The following AKAP7 variants were observed in gnomAD, a reference collection of about 807,000 sequenced individuals.
AKAP7 encodes the protein A kinase (PRKA) anchor protein 7.
In AKAP7, 39 loss-of-function variants were observed where a neutral mutation model predicts 39.5. The observed-to-expected ratio is 0.99, with a 90% confidence interval of 0.76 to 1.29. The LOEUF is 1.29. Among genes scored for constraint, AKAP7 ranks in the 50% most tolerant of loss-of-function variants. The pLI, the probability that AKAP7 is intolerant of heterozygous loss-of-function variation, is 0.00. For missense variants in AKAP7, 414 were observed against 407.7 expected, an observed-to-expected ratio of 1.02 and a Z score of -0.13; for synonymous variants, 140 against 139.1, an observed-to-expected ratio of 1.01 and a Z score of -0.05.
At chr6:131,243,155 A>G (rs1189457400) in intron 7 of AKAP7, among the ~76,000 whole-genome samples, 1 of 152,032 alleles carries the variant, frequency 6.6e-6, no homozygotes, top group Non-Finnish European at 1.5e-5. Flanking sequence ...CACTGAATTA[A>G]CCACCCCTTG....
Position 131,282,620 on chromosome 6 carries a change from T to C in AKAP7, c.*894T>C, listed in dbSNP as rs1042843648. 1.3e-6 allele frequency: 2 copies of C among 1,517,852 alleles called. No individual in the cohort carries two copies. Among genetic ancestry groups the C allele is most frequent in the African/African-American group, 2.8e-5 (2 of 72,586 alleles). 94.0% of individuals were successfully genotyped at this position (1,517,852 alleles called of 1,614,324 possible). A position where few individuals can be genotyped will look rare whatever the true frequency, so the allele number is the denominator to read the frequency against. On this transcript the variant is annotated 3_prime_UTR_variant, in exon 8 of 8. Coordinates refer to ENST00000431975, the MANE Select transcript of AKAP7 (RefSeq NM_016377.4). ...TTTGACATAAGCTCTACATTGCGAT[T>C]GTGACAACATAGCTTATGAAATCTT...
At position 131,135,707 on chromosome 6, in the gene AKAP7, C is replaced by T; in HGVS notation, c.-57C>T. On this transcript the variant is annotated 5_prime_UTR_variant, in exon 1 of 8. Transcript: ENST00000431975. ...CGGCCTCGCCTCCAGCCCCGGGACG[C>T]GGCCCGCCACCGCCGCTGCCGCCAG... is the stretch of plus-strand genomic sequence containing the variant. The T allele has an allele frequency of 2.5e-6, 3 of 1,178,990 alleles. No individual in the cohort carries two copies. Among genetic ancestry groups the T allele is most frequent in the South Asian group, 8.1e-5 (2 of 24,604 alleles). 73.0% of individuals were successfully genotyped at this position (1,178,990 alleles called of 1,614,324 possible).
At chr6:131,137,701 T>C (rs1800684953) in intron 1 of AKAP7, 1 of 152,196 alleles carries the variant, frequency 6.6e-6, no homozygotes, top group South Asian at 2.1e-4. Context: ...GGCCTGTTTT[T>C]GATGAAGGCA....
At chr6:131,188,030 C>G (rs1015934320) in intron 5 of AKAP7, among the ~76,000 whole-genome samples, 8 of 152,176 alleles carry the variant, frequency 5.3e-5, no homozygotes, top group African/African-American at 1.9e-4. Flanking sequence ...AAGGCTCAGT[C>G]TGGTTCTCTT....
At chr6:131,135,404 C>T (rs1800438857), upstream of AKAP7, among the ~76,000 whole-genome samples, 1 of 152,140 alleles carries the variant, frequency 6.6e-6, no homozygotes, top group Non-Finnish European at 1.5e-5. Flanking sequence ...CCCCGCCCTG[C>T]CCGAGCGCGT....
At chr6:131,201,141 A>G (rs539574965) in intron 6 of AKAP7, among the ~76,000 whole-genome samples, 32 of 152,328 alleles carry the variant, frequency 2.1e-4, no homozygotes, top group Non-Finnish European at 4.0e-4. Context: ...CTTATCAGTT[A>G]CAGAGCACTG....
At chr6:131,145,571 C>T (rs1002410227) in intron 2 of AKAP7, among the ~76,000 whole-genome samples, 155 bp downstream of exon 2, 1 of 152,096 alleles carries the variant, frequency 6.6e-6, no homozygotes, top group Admixed American at 6.5e-5. Context: ...TTTTTTGAGA[C>T]ACAGTCTTGC....
At chr6:131,206,791 A>G (rs533129133) in intron 6 of AKAP7, among the ~76,000 whole-genome samples, 132 of 150,394 alleles carry the variant, frequency 8.8e-4, no homozygotes, top group Non-Finnish European at 1.7e-3. Flanking sequence ...CCATCCATCT[A>G]TCTATCTATC....
chr6:131,189,048 C>G (rs1355430957), intron 5 of AKAP7, among the ~76,000 whole-genome samples: 1 of 152,156 alleles, frequency 6.6e-6, no homozygotes, highest in East Asian at 1.9e-4. Flanking sequence ...TAACATTAAC[C>G]TATAGCTGGG....
chr6:131,165,916 G>A (rs1414856034), intron 4 of AKAP7, among the ~76,000 whole-genome samples: 2 of 152,072 alleles, frequency 1.3e-5, no homozygotes, highest in African/African-American at 2.4e-5. Flanking sequence ...TTAAGTTCAA[G>A]CCTAAGATGT....
At chr6:131,204,093 A>T (rs1283124112) in intron 6 of AKAP7, among the ~76,000 whole-genome samples, 1 of 152,192 alleles carries the variant, frequency 6.6e-6, no homozygotes, top group Non-Finnish European at 1.5e-5. Flanking sequence ...TATAAAATTG[A>T]TATGGCCCTT....
chr6:131,265,146 T>C (rs1385051123), intron 7 of AKAP7, among the ~76,000 whole-genome samples: 1 of 152,200 alleles, frequency 6.6e-6, no homozygotes, highest in Non-Finnish European at 1.5e-5. Flanking sequence ...TTTTCTTTCT[T>C]TTTTTTGAGA....
intron 7 of AKAP7, among the ~76,000 whole-genome samples, chr6:131,222,543 A>T (rs114010391): frequency 0.014 from 2,132 of 152,128 alleles, 40 homozygotes; most frequent in African/African-American, 0.049. Flanking sequence ...AAGAAAAAAG[A>T]AAAGAAATAG....
At chr6:131,180,987 T>C (rs1805168269) in intron 5 of AKAP7, among the ~76,000 whole-genome samples, 1 of 152,186 alleles carries the variant, frequency 6.6e-6, no homozygotes. Flanking sequence ...AGTCTCACTC[T>C]GTTGCCTAGG....
At chr6:131,216,258 C>CGTCT (rs1461642851) in intron 6 of AKAP7, among the ~76,000 whole-genome samples, 1 of 151,972 alleles carries the variant, frequency 6.6e-6, no homozygotes, top group East Asian at 1.9e-4. Flanking sequence ...GTTTTGTGAC[C>CGTCT]GTCTGTCTAC....
chr6:131,133,786 G>T (rs1800379865), upstream of AKAP7, among the ~76,000 whole-genome samples: 1 of 152,218 alleles, frequency 6.6e-6, no homozygotes, highest in African/African-American at 2.4e-5. Flanking sequence ...CTAAAAGCCC[G>T]AAGAGGCAGT....
chr6:131,183,693 G>A (rs1029094330), intron 5 of AKAP7, among the ~76,000 whole-genome samples: 1 of 152,160 alleles, frequency 6.6e-6, no homozygotes, highest in Non-Finnish European at 1.5e-5. Flanking sequence ...TGAAGCTGCT[G>A]CTCCCCCTGG....
chr6:131,199,633 T>C, intron 6 of AKAP7, 60 bp downstream of exon 6: 3 of 1,315,030 alleles, frequency 2.3e-6, no homozygotes, highest in Non-Finnish European at 3.3e-6. Context: ...ATAAGCATGG[T>C]CTGGAGCACG....
At chr6:131,135,227 C>G (rs1192495230), upstream of AKAP7, among the ~76,000 whole-genome samples, 2 of 152,350 alleles carry the variant, frequency 1.3e-5, no homozygotes, top group East Asian at 1.9e-4. Context: ...CCCAATCTCG[C>G]CCTTGAAAGC....
Sources: gnomAD v4.1 joint callset for allele counts (sites outside exome capture counted in the v4.1 genomes callset) on GRCh38, gnomAD v4.1.1 for gene constraint, MANE v1.5 for transcripts, NCBI Gene and HGNC (gene_info 2026-07-23, HGNC 2026-07-21) for gene names.